ANXA10: variants seen among roughly 807,000 people sequenced by gnomAD.
The protein encoded by ANXA10 is annexin 14.
ANXA10 carries 49 observed loss-of-function variants against 53.5 expected under a neutral mutation model. That is an observed-to-expected ratio of 0.92 (90% CI 0.73 to 1.16). ANXA10 has a LOEUF of 1.16. ANXA10 is among the 50% of genes most tolerant of loss of function. The pLI is 0.00. For missense variants in ANXA10, 393 were observed against 394.4 expected (o/e 1.00, Z 0.03); for synonymous variants, 131 against 128.9 (o/e 1.02, Z -0.11).
Position 168,139,476 on chromosome 4 carries a change from T to C in ANXA10, c.101-10T>C, listed in dbSNP as rs1267939464. On this transcript the variant is annotated splice_polypyrimidine_tract_variant and intron_variant, in intron 2 of 11. Transcript: ENST00000359299. ...AACTTTACTAATCTTCAAATATTAT[T>C]CTTTTCCAGACTGTGACAAAGACAT... 2 of 1,608,968 alleles carry C rather than the reference T, an allele frequency of 1.2e-6. No individual in the cohort carries two copies. Among genetic ancestry groups the C allele is most frequent in the South Asian group, 2.2e-5 (2 of 90,724 alleles).
rs6836994 is a variant in ANXA10, at chr4:168,162,543, A to C, written c.211A>C (p.Met71Leu). The change falls in exon 4 of 12, where the codon ATG (methionine) becomes CTG (leucine). Residue 71 changes from methionine to leucine, a missense_variant. Physicochemically the swap from Met to Leu is conservative, Grantham distance 15. Transcript: ENST00000359299. ...SMYGRDLIGDMREQLSDHFKD... is the reference protein window; with the variant it reads ...SMYGRDLIGDLREQLSDHFKD... ...TCCTCCACAGGACCTGATTGGGGATATGAGGGAGCAGCTTTCGGATCACTT... is the reference window on the plus strand; with the variant it reads ...TCCTCCACAGGACCTGATTGGGGATCTGAGGGAGCAGCTTTCGGATCACTT... 0.57 allele frequency: 918,257 copies of C among 1,612,606 alleles called. 267,298 individuals are homozygous for C. Among genetic ancestry groups the C allele is most frequent in the African/African-American group, 0.72 (53,700 of 74,866 alleles).
chr4:168,092,993 A>G (rs1730483877), intron 1 of ANXA10, among the ~76,000 whole-genome samples: 1 of 152,140 alleles, frequency 6.6e-6, no homozygotes, highest in South Asian at 2.1e-4. Context: ...AAAACTGAAG[A>G]TTAAAGATTT....
At chr4:168,180,347 A>G (rs1045407459) in intron 9 of ANXA10, among the ~76,000 whole-genome samples, 5 of 152,236 alleles carry the variant, frequency 3.3e-5, no homozygotes, top group African/African-American at 1.2e-4. Flanking sequence ...CAAGCCTATC[A>G]GCTGATTAGC....
chr4:168,123,082 A>G (rs1731013027), intron 1 of ANXA10, among the ~76,000 whole-genome samples: 1 of 152,204 alleles, frequency 6.6e-6, no homozygotes, highest in Non-Finnish European at 1.5e-5. Flanking sequence ...TAGAAGAAGC[A>G]GGAAACCACG....
chr4:168,163,817 G>A (rs1183598786), intron 4 of ANXA10, among the ~76,000 whole-genome samples: 1 of 152,090 alleles, frequency 6.6e-6, no homozygotes. Flanking sequence ...TAGAAAACCT[G>A]TATTCTAATG....
chr4:168,093,859 T>C (rs552889229), intron 1 of ANXA10, among the ~76,000 whole-genome samples: 1 of 152,340 alleles, frequency 6.6e-6, no homozygotes. Context: ...GCAGCTATTT[T>C]CCATCACTGT....
At chr4:168,150,462 T>C (rs1283766283) in intron 3 of ANXA10, among the ~76,000 whole-genome samples, 1 of 152,152 alleles carries the variant, frequency 6.6e-6, no homozygotes, top group Non-Finnish European at 1.5e-5. Context: ...AAGCTTTATG[T>C]TTTATAAAAG....
In ANXA10 at chr4:168,181,753, A is replaced by T. The variant is rs1399206057; in HGVS notation, c.783+12A>T. On this transcript the variant is annotated intron_variant, in intron 10 of 11. Transcript: ENST00000359299. ...ATAGTGCAATTCATGTAAGTAAGACATATATTTTTAAAATTTCTCCAGAAA... is the reference window on the plus strand; with the variant it reads ...ATAGTGCAATTCATGTAAGTAAGACTTATATTTTTAAAATTTCTCCAGAAA... The T allele has an allele frequency of 6.5e-7, 1 of 1,533,562 alleles. No individual in the cohort carries two copies. The highest frequency in any genetic ancestry group is 8.9e-7 in the Non-Finnish European group (1 of 1,117,686). 95.0% of individuals were successfully genotyped at this position (1,533,562 alleles called of 1,614,324 possible). A position where few individuals can be genotyped will look rare whatever the true frequency, so the allele number is the denominator to read the frequency against.
chr4:168,131,471 T>A (rs1488906504), intron 2 of ANXA10, among the ~76,000 whole-genome samples: 3 of 152,064 alleles, frequency 2.0e-5, no homozygotes, highest in African/African-American at 7.2e-5. Flanking sequence ...ATTCTATAGA[T>A]GTTAATTAAA....
At chr4:168,162,735 T>A in intron 4 of ANXA10, 94 bp downstream of exon 4, 1 of 905,930 alleles carries the variant, frequency 1.1e-6, no homozygotes, top group Non-Finnish European at 1.8e-6. Context: ...CATACTTATA[T>A]GATCAAGGAG....
intron 11 of ANXA10, among the ~76,000 whole-genome samples, chr4:168,187,024 T>C (rs1282106248): frequency 1.3e-5 from 2 of 152,092 alleles, no homozygotes; most frequent in African/African-American, 4.8e-5. Context: ...GTTCTCCACA[T>C]TCTACATTCA....
At chr4:168,125,013 G>A (rs1560964856) in intron 1 of ANXA10, among the ~76,000 whole-genome samples, 1 of 152,162 alleles carries the variant, frequency 6.6e-6, no homozygotes, top group Non-Finnish European at 1.5e-5. Flanking sequence ...GGACTGAAGG[G>A]CTCGTTAACT....
In ANXA10 at chr4:168,112,994, G is replaced by A. The variant is rs968465147; in HGVS notation, c.19-15090G>A. 3.3e-5 allele frequency among the ~76,000 whole-genome samples: 5 copies of A among 151,888 alleles called. No individual in the cohort carries two copies. In the East Asian group the frequency reaches 9.7e-4, roughly 29 times the overall value. On this transcript the variant is annotated intron_variant, in intron 1 of 11. Coordinates refer to ENST00000359299, the MANE Select transcript of ANXA10 (RefSeq NM_007193.5). Reference sequence around the variant, plus strand: ...GCCAAGATCATGCCACTGTACTCCAGCCTGGGTGACAGAGGGAGACTCCAT... The same window carrying A: ...GCCAAGATCATGCCACTGTACTCCAACCTGGGTGACAGAGGGAGACTCCAT...
intron 1 of ANXA10, 105 bp from the exon 2 acceptor site, chr4:168,127,979 C>A: frequency 9.9e-7 from 1 of 1,009,798 alleles, no homozygotes; most frequent in Non-Finnish European, 1.5e-6. Context: ...CCACCTCTGC[C>A]TCCCAAAGTG....
intron 3 of ANXA10, among the ~76,000 whole-genome samples, chr4:168,154,389 T>C (rs1187209175): frequency 2.6e-5 from 4 of 152,118 alleles, no homozygotes; most frequent in African/African-American, 9.7e-5. Flanking sequence ...TTTGAAGAAT[T>C]TGTGAGAAAG....
At position 168,099,418 on chromosome 4, in the gene ANXA10, G is replaced by A. The variant is rs560661372; in HGVS notation, c.18+6700G>A. On this transcript the variant is annotated intron_variant, in intron 1 of 11. Transcript: ENST00000359299. ...TTTCCTCACCTGTGGGCTGACTGCT[G>A]TGTGTTTAATCAAGAGGGCAACTCA... Among the ~76,000 whole-genome samples, 23 of 152,226 alleles carry A rather than the reference G, an allele frequency of 1.5e-4. 1 individual carries two copies. The South Asian group carries it at 4.6e-3, about 30-fold the overall frequency.
intron 1 of ANXA10, among the ~76,000 whole-genome samples, chr4:168,110,527 T>C (rs1430593064): frequency 1.3e-5 from 2 of 151,806 alleles, no homozygotes; most frequent in Non-Finnish European, 2.9e-5. Flanking sequence ...TTTAAAATAG[T>C]TTAAGGTAAA....
intron 3 of ANXA10, among the ~76,000 whole-genome samples, chr4:168,148,599 ATAT>A (rs1560780504): frequency 6.6e-6 from 1 of 152,178 alleles, no homozygotes; most frequent in Non-Finnish European, 1.5e-5. Context: ...TTCTAGGCAC[ATAT>A]TATTATTGAT....
At chr4:168,178,770 T>A (rs552218580) in intron 8 of ANXA10, among the ~76,000 whole-genome samples, 1 of 152,340 alleles carries the variant, frequency 6.6e-6, no homozygotes, top group African/African-American at 2.4e-5. Context: ...TGATTTCATA[T>A]TTCTCAGAAT....
Sources: gnomAD v4.1 joint callset for allele counts (sites outside exome capture counted in the v4.1 genomes callset) on GRCh38, gnomAD v4.1.1 for gene constraint, MANE v1.5 for transcripts, NCBI Gene and HGNC (gene_info 2026-07-23, HGNC 2026-07-21) for gene names.